NPRL3: variants seen among roughly 807,000 people sequenced by gnomAD.
NPRL3 encodes NPR3 like, GATOR1 complex subunit.
A neutral mutation model predicts 57.2 loss-of-function variants in NPRL3; 23 were observed. The ratio of observed to expected loss-of-function variants is 0.40; its 90% CI spans 0.29 to 0.57. The LOEUF is 0.57. Among genes scored for constraint, NPRL3 ranks in the 20% least tolerant of loss-of-function variants. The probability of loss-of-function intolerance (pLI) is 0.42; values close to 1 mark genes in which losing one functional copy is unlikely to be tolerated. For missense variants in NPRL3, 691 were observed against 767.1 expected, an observed-to-expected ratio of 0.90 and a Z score of 1.17; for synonymous variants, 333 against 321.1, an observed-to-expected ratio of 1.04 and a Z score of -0.39.
chr16:123,336 G>A (rs1486898371), intron 3 of NPRL3, among the ~76,000 whole-genome samples: 1 of 152,170 alleles, frequency 6.6e-6, no homozygotes, highest in African/African-American at 2.4e-5. Flanking sequence ...AAAAAGCCGG[G>A]GTGGTGGGAA....
At chr16:89,940 A>G in intron 11 of NPRL3, 38 bp from the exon 12 acceptor site, 1 of 1,516,792 alleles carries the variant, frequency 6.6e-7, no homozygotes, top group Non-Finnish European at 8.8e-7. Flanking sequence ...CCCCCTCCCC[A>G]CTCCAACTTC....
chr16:95,930 G>T (rs1045498617), intron 9 of NPRL3, among the ~76,000 whole-genome samples: 2 of 152,152 alleles, frequency 1.3e-5, no homozygotes, highest in African/African-American at 4.8e-5. Context: ...TCCCCAGGGG[G>T]CTATCTCCGG....
At chr16:97,292 T>A (rs1033859516) in intron 9 of NPRL3, among the ~76,000 whole-genome samples, 2 of 151,722 alleles carry the variant, frequency 1.3e-5, no homozygotes, top group Non-Finnish European at 2.9e-5. Flanking sequence ...TCGCCCAGGC[T>A]GGAGTACAGT....
chr16:86,454 A>G lies in NPRL3; in HGVS notation c.*251T>C, dbSNP rs1367102619. The G allele has an allele frequency of 8.4e-6, 4 of 478,478 alleles. No individual in the cohort carries two copies. The highest frequency in any genetic ancestry group is 6.6e-5 in the East Asian group (2 of 30,348). 29.6% of individuals were successfully genotyped at this position (478,478 alleles called of 1,614,324 possible). Reference sequence around the variant, plus strand: ...CCTGGCAGGCCCCCCTCCAGCGTGGAGATGCCTACGCGTGCGGCAAGGACT... The same window carrying G: ...CCTGGCAGGCCCCCCTCCAGCGTGGGGATGCCTACGCGTGCGGCAAGGACT... On this transcript the variant is annotated 3_prime_UTR_variant, in exon 14 of 14. Transcript: ENST00000611875.
intron 7 of NPRL3, among the ~76,000 whole-genome samples, chr16:108,599 T>G (rs1211722415): frequency 6.6e-6 from 1 of 152,124 alleles, no homozygotes; most frequent in Non-Finnish European, 1.5e-5. Flanking sequence ...TGCGGCTCAC[T>G]AGGCAGCCAA....
intron 3 of NPRL3, among the ~76,000 whole-genome samples, chr16:122,281 T>G (rs896422144): frequency 9.9e-5 from 15 of 151,664 alleles, no homozygotes; most frequent in African/African-American, 2.7e-4. Flanking sequence ...TATTTTTTAG[T>G]AGAGACAAGG....
chr16:123,504 T>C (rs1479971682), intron 3 of NPRL3: 2 of 471,082 alleles, frequency 4.2e-6, no homozygotes, highest in Admixed American at 4.7e-5. Flanking sequence ...GTCTCGGTCT[T>C]ACCCTGCAAC....
intron 7 of NPRL3, among the ~76,000 whole-genome samples, chr16:106,502 C>T (rs1209673158): frequency 2.6e-5 from 4 of 151,458 alleles, no homozygotes; most frequent in African/African-American, 7.3e-5. Context: ...GGCGTGGGGG[C>T]GGGTGCCTAT....
At chr16:101,699 C>G (rs1765848877) in intron 7 of NPRL3, among the ~76,000 whole-genome samples, 1 of 152,208 alleles carries the variant, frequency 6.6e-6, no homozygotes, top group African/African-American at 2.4e-5. Context: ...CTGGGCAGTC[C>G]CAGCCATGGG....
chr16:98,101 C>T (rs1419238506), intron 9 of NPRL3, 44 bp downstream of exon 9: 1 of 1,595,020 alleles, frequency 6.3e-7, no homozygotes, highest in Non-Finnish European at 8.6e-7. Context: ...TCCTGATGCC[C>T]CAGCACCGCC....
chr16:98,923 T>G (rs1899148250), intron 8 of NPRL3, among the ~76,000 whole-genome samples: 1 of 151,810 alleles, frequency 6.6e-6, no homozygotes, highest in Non-Finnish European at 1.5e-5. Flanking sequence ...GGCGACAGAG[T>G]GAGACTCTGT....
rs781742983 is a variant in NPRL3, at chr16:86,885, T to A, written c.1545-15A>T. On this transcript the variant is annotated splice_polypyrimidine_tract_variant and intron_variant, in intron 13 of 13. Coordinates refer to ENST00000611875, the MANE Select transcript of NPRL3 (RefSeq NM_001077350.3). ...AGTGAAGGAGCCTGGAAGGGATGGG[T>A]GGGTGTGAGCCCAACCTGACACCAG... 6 of 1,610,282 alleles carry A rather than the reference T, an allele frequency of 3.7e-6. No homozygotes were observed. Among genetic ancestry groups the A allele is most frequent in the Non-Finnish European group, 5.1e-6 (6 of 1,178,240 alleles).
chr16:130,692 T>G, intron 2 of NPRL3, 101 bp from the exon 3 acceptor site: 1 of 1,077,070 alleles, frequency 9.3e-7, no homozygotes, highest in Non-Finnish European at 1.4e-6. Flanking sequence ...CAAAACATGC[T>G]CTGTCCATAC....
chr16:135,245 A>G (rs1004483987), intron 2 of NPRL3, among the ~76,000 whole-genome samples: 1 of 152,230 alleles, frequency 6.6e-6, no homozygotes, highest in African/African-American at 2.4e-5. Context: ...CCAGTTCCAC[A>G]GGGCTCCAAA....
intron 9 of NPRL3, among the ~76,000 whole-genome samples, chr16:97,410 A>ATTTTTTTTTTTTT (rs34410203): frequency 1.1e-3 from 126 of 114,944 alleles, no homozygotes; most frequent in East Asian, 1.5e-3. Context: ...ACACCCAGCT[A>ATTTTTTTTTTTTT]TTTTTTTTTT....
rs781492884 is a variant in NPRL3 at position 88,683 on chromosome 16, T to C, written c.1544+15A>G. Reference sequence around the variant, plus strand: ...TGCAACTGGCCCCAGTCCCAACGGGTCAACCTACACCCACCTGGCAAACAT... The same window carrying C: ...TGCAACTGGCCCCAGTCCCAACGGGCCAACCTACACCCACCTGGCAAACAT... On this transcript the variant is annotated intron_variant, in intron 13 of 13. Transcript: ENST00000611875. 2 of 1,598,450 alleles carry C rather than the reference T, an allele frequency of 1.3e-6. No individual in the cohort carries two copies. Among genetic ancestry groups the C allele is most frequent in the African/African-American group, 2.7e-5 (2 of 74,610 alleles).
intron 7 of NPRL3, among the ~76,000 whole-genome samples, chr16:104,336 G>A (rs1280328217): frequency 1.3e-5 from 2 of 152,056 alleles, no homozygotes; most frequent in East Asian, 3.9e-4. Flanking sequence ...ACACCTAATT[G>A]TAATCAAATT....
intron 2 of NPRL3, among the ~76,000 whole-genome samples, chr16:134,425 A>G (rs1409275937): frequency 6.6e-6 from 1 of 152,236 alleles, no homozygotes; most frequent in African/African-American, 2.4e-5. Context: ...AAAACAATGG[A>G]AAAGCTAATA....
chr16:89,246 C>T (rs1458672901), intron 12 of NPRL3: 1 of 304,268 alleles, frequency 3.3e-6, no homozygotes, highest in Non-Finnish European at 6.1e-6. Context: ...ATGAAGCCTA[C>T]AGCCAGACCT....
Sources: allele counts gnomAD v4.1 joint callset (sites outside exome capture counted in the v4.1 genomes callset), GRCh38; gene constraint gnomAD v4.1.1; transcripts MANE v1.5; gene names NCBI Gene and HGNC (gene_info 2026-07-23, HGNC 2026-07-21).